CHRM2: variants seen among roughly 807,000 people sequenced by gnomAD.
The protein encoded by CHRM2 is muscarinic acetylcholine receptor M2.
In CHRM2, 8 loss-of-function variants were observed where a neutral mutation model predicts 25.0. The ratio of observed to expected loss-of-function variants is 0.32; its 90% CI spans 0.19 to 0.58. The LOEUF (loss-of-function observed/expected upper bound fraction) is 0.58. CHRM2 is among the 20% of genes least tolerant of loss of function. The pLI, the probability that CHRM2 is intolerant of heterozygous loss-of-function variation, is 0.88. For synonymous variants in CHRM2, 202 were observed against 205.7 expected (o/e 0.98, Z 0.15); for missense variants, 440 against 567.1 (o/e 0.78, Z 2.28).
chr7:136,987,257 A>G (rs1802917874), intron 2 of CHRM2, among the ~76,000 whole-genome samples: 1 of 152,196 alleles, frequency 6.6e-6, no homozygotes, highest in African/African-American at 2.4e-5. Context: ...CCCACAGTCA[A>G]AAGTTCCTTC....
intron 2 of CHRM2, among the ~76,000 whole-genome samples, chr7:136,923,352 G>A (rs1798559342): frequency 6.7e-6 from 1 of 150,130 alleles, no homozygotes; most frequent in African/African-American, 2.5e-5. Flanking sequence ...GTCATGTCAT[G>A]AACTGTGTAC....
intron 2 of CHRM2, among the ~76,000 whole-genome samples, chr7:136,953,867 G>A (rs147025916): frequency 0.011 from 1,718 of 152,220 alleles, 22 homozygotes; most frequent in Non-Finnish European, 0.016. Context: ...CACTAACCAT[G>A]GAGGCAAGAA....
intron 3 of CHRM2, among the ~76,000 whole-genome samples, chr7:137,014,189 A>C (rs1805016801): frequency 6.6e-6 from 1 of 152,040 alleles, no homozygotes; most frequent in South Asian, 2.1e-4. Context: ...TGATTATGTA[A>C]TACTGATTAC....
At chr7:136,891,059 T>G (rs143868834) in intron 2 of CHRM2, among the ~76,000 whole-genome samples, 229 of 152,354 alleles carry the variant, frequency 1.5e-3, no homozygotes, top group African/African-American at 5.4e-3. Flanking sequence ...AACATAGTTT[T>G]AGAGTTACAG....
chr7:136,960,625 A>G (rs1033935256), intron 2 of CHRM2, among the ~76,000 whole-genome samples: 11 of 152,226 alleles, frequency 7.2e-5, no homozygotes, highest in African/African-American at 2.7e-4. Flanking sequence ...CAACTTAACT[A>G]TAAGTTGTAG....
At chr7:137,013,778 G>A (rs1239278497) in intron 3 of CHRM2, among the ~76,000 whole-genome samples, 1 of 152,004 alleles carries the variant, frequency 6.6e-6, no homozygotes, top group African/African-American at 2.4e-5. Context: ...ATCAACCCAT[G>A]TCTGCCACCA....
chr7:136,964,384 T>C (rs1484377686), intron 2 of CHRM2, among the ~76,000 whole-genome samples: 1 of 152,142 alleles, frequency 6.6e-6, no homozygotes, highest in African/African-American at 2.4e-5. Context: ...CAGCTGAAAT[T>C]TTAAACTTCT....
At chr7:136,970,459 G>A (rs1801687438) in intron 2 of CHRM2, among the ~76,000 whole-genome samples, 1 of 151,954 alleles carries the variant, frequency 6.6e-6, no homozygotes, top group Non-Finnish European at 1.5e-5. Context: ...TGAAACTGTT[G>A]TAATCCCATA....
chr7:136,948,852 T>C (rs1251807729), intron 2 of CHRM2, among the ~76,000 whole-genome samples: 1 of 152,130 alleles, frequency 6.6e-6, no homozygotes, highest in Non-Finnish European at 1.5e-5. Flanking sequence ...AGTCTCCTGT[T>C]GATCATCTGA....
chr7:136,903,613 A>T (rs555728794), intron 2 of CHRM2, among the ~76,000 whole-genome samples: 2 of 152,114 alleles, frequency 1.3e-5, no homozygotes, highest in South Asian at 4.1e-4. Flanking sequence ...TTAAGACTGC[A>T]ATTTTCTAAA....
At chr7:136,891,767 T>C (rs1308886022) in intron 2 of CHRM2, among the ~76,000 whole-genome samples, 2 of 152,162 alleles carry the variant, frequency 1.3e-5, no homozygotes, top group African/African-American at 2.4e-5. Flanking sequence ...TTTCCTTTTA[T>C]ATTAGCATTT....
intron 3 of CHRM2, among the ~76,000 whole-genome samples, chr7:137,008,620 T>C (rs1376298740): frequency 6.6e-6 from 1 of 152,060 alleles, no homozygotes; most frequent in African/African-American, 2.4e-5. Flanking sequence ...TGCCATTTTT[T>C]GATAATGTGT....
At chr7:137,009,106 T>C (rs1436428919) in intron 3 of CHRM2, among the ~76,000 whole-genome samples, 1 of 152,142 alleles carries the variant, frequency 6.6e-6, no homozygotes, top group East Asian at 1.9e-4. Context: ...TAATTCATTA[T>C]TAGCTTATTA....
At chr7:136,922,328 T>C (rs1798494478) in intron 2 of CHRM2, among the ~76,000 whole-genome samples, 1 of 152,192 alleles carries the variant, frequency 6.6e-6, no homozygotes, top group African/African-American at 2.4e-5. Context: ...TTCCCCTAGA[T>C]TCATGTAATA....
chr7:136,980,937 C>T (rs1460594913), intron 2 of CHRM2, among the ~76,000 whole-genome samples: 3 of 152,158 alleles, frequency 2.0e-5, no homozygotes, highest in Non-Finnish European at 2.9e-5. Flanking sequence ...CTTTTGGTAT[C>T]AGGATGATGC....
At chr7:136,999,457 CAT>C (rs532158675) in intron 3 of CHRM2, among the ~76,000 whole-genome samples, 5 of 151,554 alleles carry the variant, frequency 3.3e-5, no homozygotes, top group Admixed American at 6.6e-5. Flanking sequence ...AGGTTTGTTA[CAT>C]ATATATATAC....
intron 2 of CHRM2, among the ~76,000 whole-genome samples, chr7:136,892,668 G>T (rs1431279126): frequency 7.5e-6 from 1 of 133,610 alleles, no homozygotes; most frequent in Non-Finnish European, 1.6e-5. Flanking sequence ...CTTATTAAAA[G>T]TTCTTTTTTT....
At position 137,014,873 on chromosome 7, in the gene CHRM2, A is replaced by G. The variant is rs745612214; in HGVS notation, c.8A>G (p.Asn3Ser). MN[N>S]STNSSNNSLA... ...CTGATTAGAGAACGCAAAATGAATAACTCAACAAACTCCTCTAACAATAGC... is the reference window on the plus strand; with the variant it reads ...CTGATTAGAGAACGCAAAATGAATAGCTCAACAAACTCCTCTAACAATAGC... The change falls in exon 4 of 4, where the codon AAC (asparagine) becomes AGC (serine). Residue 3 changes from asparagine (N) to serine (S), a missense_variant. By Grantham distance (46) the Asn-to-Ser change is conservative (BLOSUM62 1). Coordinates refer to ENST00000680005, the MANE Select transcript of CHRM2 (RefSeq NM_001006630.2). 17 of 1,612,820 alleles carry G rather than the reference A, an allele frequency of 1.1e-5. No individual in the cohort carries two copies. The highest frequency in any genetic ancestry group is 1.3e-5 in the Non-Finnish European group (15 of 1,179,382).
intron 2 of CHRM2, among the ~76,000 whole-genome samples, chr7:136,946,716 C>T (rs571557311): frequency 6.6e-6 from 1 of 152,138 alleles, no homozygotes; most frequent in South Asian, 2.1e-4. Context: ...TTTGTAAATA[C>T]ATTTGTAAAT....
Sources: allele counts gnomAD v4.1 joint callset (sites outside exome capture counted in the v4.1 genomes callset), GRCh38; gene constraint gnomAD v4.1.1; transcripts MANE v1.5; gene names NCBI Gene and HGNC (gene_info 2026-07-23, HGNC 2026-07-21).